Variants in TUSC3 observed in about 807,000 individuals in gnomAD.
TUSC3 encodes tumor suppressor candidate 3.
A neutral mutation model predicts 44.8 loss-of-function variants in TUSC3; 45 were observed. The ratio of observed to expected loss-of-function variants is 1.00; its 90% CI spans 0.79 to 1.29. The LOEUF is 1.29. Among genes scored for constraint, TUSC3 ranks in the 50% most tolerant of loss-of-function variants. The probability of loss-of-function intolerance (pLI) is 0.00; values close to 1 mark genes in which losing one functional copy is unlikely to be tolerated. For synonymous variants in TUSC3, 212 were observed against 152.9 expected (o/e 1.39, Z -2.85); for missense variants, 519 against 437.9 (o/e 1.19, Z -1.65).
At chr8:15,568,477 G>A (rs1037034848) in intron 1 of TUSC3, among the ~76,000 whole-genome samples, 1 of 151,950 alleles carries the variant, frequency 6.6e-6, no homozygotes, top group African/African-American at 2.4e-5. Context: ...AGTCCATTTT[G>A]CCTAAACTAG....
the TUSC3 span, among the ~76,000 whole-genome samples, chr8:15,809,983 A>G: frequency 2.6e-5 from 4 of 152,226 alleles, no homozygotes; most frequent in Admixed American, 2.6e-4. Flanking sequence ...AGTTCCAGTT[A>G]AATAGTTCTG....
chr8:15,768,313 C>T (rs966446364), downstream of TUSC3, among the ~76,000 whole-genome samples: 2 of 152,060 alleles, frequency 1.3e-5, no homozygotes, highest in Non-Finnish European at 2.9e-5. Context: ...CACAACAAGC[C>T]GTGATAACAA....
intron 2 of TUSC3, among the ~76,000 whole-genome samples, chr8:15,511,886 T>A (rs762946044): frequency 6.6e-6 from 1 of 150,436 alleles, no homozygotes. Flanking sequence ...AAAGAAGTAC[T>A]AAATGAATGG....
intron 1 of TUSC3, among the ~76,000 whole-genome samples, chr8:15,566,260 C>T (rs1406624714): frequency 6.6e-6 from 1 of 152,106 alleles, no homozygotes; most frequent in Non-Finnish European, 1.5e-5. Flanking sequence ...AGTATGTTCC[C>T]TCTTATATAA....
rs1486466533 is a variant in TUSC3, at chr8:15,540,446, G to A, written c.16G>A (p.Ala6Thr). 13 of 1,599,126 alleles carry A rather than the reference G, an allele frequency of 8.1e-6. No homozygotes were observed. The highest frequency in any genetic ancestry group is 1.1e-5 in the South Asian group (1 of 89,390). The change falls in exon 1 of 11, where the codon GCT (alanine) becomes ACT (threonine). Residue 6 changes from alanine to threonine, a missense_variant. Transcript: ENST00000503731. ...CCCTGCCGCGATGGGGGCCCGGGGCGCTCCTTCACGCCGTAGGCAAGCGGG... is the reference window on the plus strand; with the variant it reads ...CCCTGCCGCGATGGGGGCCCGGGGCACTCCTTCACGCCGTAGGCAAGCGGG... The part of the protein sequence containing the change: MGARG[A>T]PSRRRQAGRR...
At chr8:15,520,593 A>T (rs1801284074) in intron 2 of TUSC3, among the ~76,000 whole-genome samples, 1 of 152,218 alleles carries the variant, frequency 6.6e-6, no homozygotes, top group South Asian at 2.1e-4. Context: ...ACTGTGTGAT[A>T]ACCAATATTT....
At chr8:15,699,880 A>G (rs1809322718) in intron 6 of TUSC3, among the ~76,000 whole-genome samples, 2 of 152,310 alleles carry the variant, frequency 1.3e-5, no homozygotes, top group South Asian at 4.1e-4. Context: ...TATAGAAGGA[A>G]GAATTATATA....
chr8:15,739,067 G>A (rs1241079804), intron 7 of TUSC3, among the ~76,000 whole-genome samples: 2 of 151,680 alleles, frequency 1.3e-5, no homozygotes, highest in Non-Finnish European at 2.9e-5. Context: ...TCCTGACCTT[G>A]TGATCCGCCT....
chr8:15,461,701 A>C (rs1800347873), intron 1 of TUSC3, among the ~76,000 whole-genome samples: 1 of 151,820 alleles, frequency 6.6e-6, no homozygotes, highest in South Asian at 2.1e-4. Flanking sequence ...ACATTGAGTT[A>C]CGTCCCTTGT....
At chr8:15,513,012 C>G (rs1187582268) in intron 2 of TUSC3, among the ~76,000 whole-genome samples, 2 of 143,986 alleles carry the variant, frequency 1.4e-5, no homozygotes, top group South Asian at 4.4e-4. Context: ...ATTTTTTTCC[C>G]AGATTGCATG....
chr8:15,683,971 A>C (rs1002074407), intron 6 of TUSC3, among the ~76,000 whole-genome samples: 5 of 152,088 alleles, frequency 3.3e-5, no homozygotes, highest in African/African-American at 1.2e-4. Context: ...TGCTGAAGCA[A>C]TGTGGTTTTG....
chr8:15,815,046 G>A, the TUSC3 span, among the ~76,000 whole-genome samples: 9 of 152,082 alleles, frequency 5.9e-5, no homozygotes, highest in African/African-American at 2.2e-4. Context: ...TATAAGTAAC[G>A]AGATATAAGT....
intron 2 of TUSC3, among the ~76,000 whole-genome samples, chr8:15,500,967 A>G (rs771980247): frequency 6.6e-6 from 1 of 152,202 alleles, no homozygotes; most frequent in African/African-American, 2.4e-5. Context: ...AATTCTTATA[A>G]GGTACAGAAA....
chr8:15,497,879 G>C (rs1028947048), intron 2 of TUSC3, among the ~76,000 whole-genome samples: 61 of 151,788 alleles, frequency 4.0e-4, no homozygotes, highest in African/African-American at 1.5e-3. Context: ...TGAGTAGTTG[G>C]GATTCTGTAA....
the TUSC3 span, among the ~76,000 whole-genome samples, chr8:15,847,524 T>A: frequency 6.6e-6 from 1 of 152,156 alleles, no homozygotes; most frequent in Non-Finnish European, 1.5e-5. Flanking sequence ...GCAAATACGT[T>A]CTACCTAGGT....
intron 2 of TUSC3, among the ~76,000 whole-genome samples, chr8:15,512,885 T>TATATATAC (rs1358169360): frequency 4.2e-5 from 6 of 142,838 alleles, no homozygotes; most frequent in African/African-American, 1.6e-4. Flanking sequence ...TATATATATA[T>TATATATAC]ACACACAATT....
intron 5 of TUSC3, among the ~76,000 whole-genome samples, chr8:15,663,212 A>T (rs1034620269): frequency 1.3e-5 from 2 of 151,920 alleles, no homozygotes; most frequent in African/African-American, 2.4e-5. Context: ...TATAAATAGA[A>T]TGTTGAAATT....
the TUSC3 span, among the ~76,000 whole-genome samples, chr8:15,803,639 T>C: frequency 1.3e-5 from 2 of 152,314 alleles, no homozygotes; most frequent in Admixed American, 6.5e-5. Context: ...TGGTTTGCTG[T>C]ACCTATCAAC....
chr8:15,489,578 T>C (rs934681266), intron 2 of TUSC3, among the ~76,000 whole-genome samples: 6 of 152,312 alleles, frequency 3.9e-5, no homozygotes, highest in African/African-American at 1.2e-4. Context: ...AGAGTTACGT[T>C]TTGGGGTGAG....
Sources: gnomAD v4.1 joint callset for allele counts (sites outside exome capture counted in the v4.1 genomes callset) on GRCh38, gnomAD v4.1.1 for gene constraint, MANE v1.5 for transcripts, NCBI Gene and HGNC (gene_info 2026-07-23, HGNC 2026-07-21) for gene names.